CUBN: variants seen among roughly 807,000 people sequenced by gnomAD.
CUBN encodes 460 kDa receptor.
A neutral mutation model predicts 405.3 loss-of-function variants in CUBN; 282 were observed. That is an observed-to-expected ratio of 0.70 (90% CI 0.63 to 0.77). The LOEUF is 0.77. Among genes scored for constraint, CUBN ranks in the 30% least tolerant of loss-of-function variants. The pLI, the probability that CUBN is intolerant of heterozygous loss-of-function variation, is 0.00. For missense variants in CUBN, 4,514 were observed against 4,475.2 expected (o/e 1.01, Z -0.25); for synonymous variants, 1,684 against 1,617.0 (o/e 1.04, Z -0.99).
chr10:17,028,751 TAATA>T (rs1186694406), intron 27 of CUBN, among the ~76,000 whole-genome samples: 9 of 149,374 alleles, frequency 6.0e-5, no homozygotes, highest in Middle Eastern at 3.5e-3. Flanking sequence ...AAAGAAAAAA[TAATA>T]AATAAATAAA....
rs897899029 is a variant in CUBN at position 16,937,672 on chromosome 10, G to A, written c.5846C>T (p.Ser1949Phe). The A allele has an allele frequency of 1.9e-6, 3 of 1,613,954 alleles. No individual in the cohort carries two copies. Among genetic ancestry groups the A allele is most frequent in the Admixed American group, 3.3e-5 (2 of 59,988 alleles). The part of the protein sequence containing the change: ...NSLTFHFYSD[S>F]SISGKGFLLE... ...AAGGAATCCCTTCCCTGAGATTGAA[G>A]AGTCGGAGTAAAAATGAAATGTCAA... The change falls in exon 39 of 67, where the codon TCT (serine) becomes TTT (phenylalanine). Residue 1949 changes from serine (S) to phenylalanine (F), a missense_variant. By Grantham distance (155) the Ser-to-Phe change is radical. Coordinates refer to ENST00000377833, the MANE Select transcript of CUBN (RefSeq NM_001081.4).
rs10551726 is a variant in CUBN, at chr10:16,898,066, G to GTATATATATATATA, written c.8598+916_8598+929dup. ...GTATATTAAATGTATTTTATTATAT[G>GTATATATATATATA]TATATATATATATATATATATGTTA... On this transcript the variant is annotated intron_variant, in intron 54 of 66. Coordinates refer to ENST00000377833, the MANE Select transcript of CUBN (RefSeq NM_001081.4). Among the ~76,000 whole-genome samples, 1,064 of 144,946 alleles carry GTATATATATATATA rather than the reference G, an allele frequency of 7.3e-3. 13 individuals are homozygous for GTATATATATATATA. Among genetic ancestry groups the GTATATATATATATA allele is most frequent in the African/African-American group, 0.026 (1,004 of 39,196 alleles).
intron 47 of CUBN, among the ~76,000 whole-genome samples, chr10:16,914,511 A>G (rs1251953839): frequency 4.6e-5 from 7 of 152,098 alleles, no homozygotes; most frequent in Non-Finnish European, 1.0e-4. Flanking sequence ...GTGAGCTGAT[A>G]TCATGCCACT....
At chr10:16,852,192 CCTCT>C (rs752102883) in intron 59 of CUBN, among the ~76,000 whole-genome samples, 1 of 108,870 alleles carries the variant, frequency 9.2e-6, no homozygotes, top group South Asian at 3.8e-4. Flanking sequence ...TCCCTCCCTC[CCTCT>C]ATCTTTCCCT....
At chr10:17,084,653 T>C (rs1274538225) in intron 16 of CUBN, among the ~76,000 whole-genome samples, 192 bp from the exon 17 acceptor site, 1 of 152,238 alleles carries the variant, frequency 6.6e-6, no homozygotes, top group African/African-American at 2.4e-5. Context: ...ATCTCTGTAG[T>C]GGCTTAAAGA....
rs1276684949 is a variant in CUBN, at chr10:16,937,802, T to C, written c.5734-18A>G. On this transcript the variant is annotated intron_variant, in intron 38 of 66. Transcript: ENST00000377833. ...TCATAGATCTGTACATAAAAACAGA[T>C]AATAGAGCATTGTATTATCTATATT... 1.9e-6 allele frequency: 3 copies of C among 1,608,110 alleles called. No homozygotes were observed. The highest frequency in any genetic ancestry group is 4.5e-5 in the East Asian group (2 of 44,778).
At chr10:17,010,964 C>T (rs977457861) in intron 28 of CUBN, among the ~76,000 whole-genome samples, 2 of 152,186 alleles carry the variant, frequency 1.3e-5, no homozygotes, top group Non-Finnish European at 2.9e-5. Flanking sequence ...AAGAGTCAAC[C>T]ACTGCACACA....
intron 28 of CUBN, among the ~76,000 whole-genome samples, chr10:17,006,148 C>A (rs553734998): frequency 6.6e-6 from 1 of 152,120 alleles, no homozygotes; most frequent in Non-Finnish European, 1.5e-5. Flanking sequence ...ATTTTTGTTA[C>A]GACAGCCCAA....
chr10:16,839,876 C>G (rs991817507), intron 62 of CUBN, among the ~76,000 whole-genome samples: 24 of 152,048 alleles, frequency 1.6e-4, no homozygotes, highest in African/African-American at 5.8e-4. Context: ...CCATGGAATA[C>G]TATGCAGCCA....
At chr10:17,023,058 G>A (rs1015632958) in intron 27 of CUBN, among the ~76,000 whole-genome samples, 5 of 152,184 alleles carry the variant, frequency 3.3e-5, no homozygotes, top group African/African-American at 7.2e-5. Context: ...AGCTCTGCAA[G>A]ATTAAGAAAT....
chr10:16,834,879 G>T, intron 64 of CUBN, 135 bp downstream of exon 64: 1 of 1,011,068 alleles, frequency 9.9e-7, no homozygotes, highest in Non-Finnish European at 1.5e-6. Flanking sequence ...TTTAGGGAAT[G>T]AAAGGGTAAT....
intron 43 of CUBN, among the ~76,000 whole-genome samples, chr10:16,921,402 T>C (rs1842029750): frequency 1.3e-5 from 2 of 152,152 alleles, no homozygotes; most frequent in South Asian, 4.1e-4. Context: ...CTCCAGGATC[T>C]TGCCCTATTT....
chr10:17,077,131 T>C (rs1401818102), intron 17 of CUBN, among the ~76,000 whole-genome samples: 1 of 152,176 alleles, frequency 6.6e-6, no homozygotes, highest in Non-Finnish European at 1.5e-5. Context: ...CAAGAACCAA[T>C]TCAAAATTCT....
rs1437350818 is a variant in CUBN, at chr10:16,824,947, T to C, written c.*28A>G. The stretch of plus-strand genomic sequence containing the variant: ...TGTCCAGCGTGCTGCAGAGGGAAAG[T>C]GCTGAGTGAACACGAGTTGTTACCC... On this transcript the variant is annotated 3_prime_UTR_variant, in exon 67 of 67. Transcript: ENST00000377833. 1 of 1,514,968 alleles carries C rather than the reference T, an allele frequency of 6.6e-7. No homozygotes were observed. The highest frequency in any genetic ancestry group is 1.1e-5 in the South Asian group (1 of 88,904). 93.8% of individuals were successfully genotyped at this position (1,514,968 alleles called of 1,614,324 possible). A position where few individuals can be genotyped will look rare whatever the true frequency, so the allele number is the denominator to read the frequency against.
chr10:16,831,491 T>C (rs1838991869), intron 64 of CUBN, 74 bp from the exon 65 acceptor site: 3 of 1,305,402 alleles, frequency 2.3e-6, no homozygotes, highest in Non-Finnish European at 2.2e-6. Context: ...TGGAGACAAT[T>C]TGAATGATGA....
intron 43 of CUBN, among the ~76,000 whole-genome samples, chr10:16,922,321 G>C (rs986298202): frequency 6.6e-6 from 1 of 152,040 alleles, no homozygotes; most frequent in African/African-American, 2.4e-5. Context: ...ACTCAATCCT[G>C]TATTTATAAT....
chr10:17,120,002 T>A lies in CUBN; in HGVS notation c.593+2793A>T, dbSNP rs1414148850. On this transcript the variant is annotated intron_variant, in intron 6 of 66. Transcript: ENST00000377833. ...CCTTTTTCCGTCCAAGTAAAAGAGC[T>A]CAAAGAGTTAAAGAAACTGAATGAG... Among the ~76,000 whole-genome samples, 4 of 152,314 alleles carry A rather than the reference T, an allele frequency of 2.6e-5. No homozygotes were observed. In the South Asian group the frequency reaches 8.3e-4, roughly 32 times the overall value.
At position 17,114,175 on chromosome 10, in the gene CUBN, G is replaced by A. The variant is rs766772944; in HGVS notation, c.735C>T (p.Cys245=). The change falls in exon 8 of 67, where the codon TGC becomes TGT. Residue 245 remains cysteine, a synonymous_variant. Coordinates refer to ENST00000377833, the MANE Select transcript of CUBN (RefSeq NM_001081.4). ...REQAGEPKYS[C]VCDAGWMFSP... is the part of the protein sequence containing the mutation. Reference sequence around the variant, plus strand: ...AAAACATCCACCCAGCATCACAGACGCAGCTGTACTTGGGCTGGCAGGATG... The same window carrying A: ...AAAACATCCACCCAGCATCACAGACACAGCTGTACTTGGGCTGGCAGGATG... 242 of 1,613,670 alleles carry A rather than the reference G, an allele frequency of 1.5e-4. No homozygotes were observed. Among genetic ancestry groups the A allele is most frequent in the Non-Finnish European group, 1.8e-4 (212 of 1,179,920 alleles).
chr10:16,900,542 A>C, intron 53 of CUBN, 83 bp downstream of exon 53: 3 of 1,077,334 alleles, frequency 2.8e-6, no homozygotes, highest in Non-Finnish European at 4.3e-6. Flanking sequence ...GCCTGATGTA[A>C]AGTAGGTACA....
Sources: gnomAD v4.1 joint callset for allele counts (sites outside exome capture counted in the v4.1 genomes callset) on GRCh38, gnomAD v4.1.1 for gene constraint, MANE v1.5 for transcripts, NCBI Gene and HGNC (gene_info 2026-07-23, HGNC 2026-07-21) for gene names.